The following FHL2 variants were observed in gnomAD, a reference collection of about 807,000 sequenced individuals.
FHL2 encodes the protein four and a half LIM domains 2.
In FHL2, 20 loss-of-function variants were observed where a neutral mutation model predicts 32.7. The observed-to-expected ratio is 0.61, with a 90% CI of 0.43 to 0.89. The LOEUF is 0.89. FHL2 is among the 40% of genes least tolerant of loss of function. The probability of loss-of-function intolerance (pLI) is 0.00; values close to 1 mark genes in which losing one functional copy is unlikely to be tolerated. For synonymous variants in FHL2, 123 were observed against 128.1 expected (o/e 0.96, Z 0.27); for missense variants, 311 against 358.6 (o/e 0.87, Z 1.07).
intron 1 of FHL2, among the ~76,000 whole-genome samples, chr2:105,410,681 G>A (rs1198636724): frequency 1.3e-5 from 2 of 152,188 alleles, no homozygotes; most frequent in African/African-American, 4.8e-5. Context: ...TCTTGGCACA[G>A]GCAAGCAGAG....
chr2:105,393,362 G>A (rs1197875283), intron 2 of FHL2, among the ~76,000 whole-genome samples: 1 of 152,102 alleles, frequency 6.6e-6, no homozygotes, highest in Non-Finnish European at 1.5e-5. Flanking sequence ...AAGCAGCTTC[G>A]GTAAGTCAGT....
chr2:105,366,355 C>T (rs2104500828), intron 5 of FHL2, among the ~76,000 whole-genome samples: 1 of 152,322 alleles, frequency 6.6e-6, no homozygotes, highest in East Asian at 1.9e-4. Context: ...GATGTTTCTC[C>T]ATGGCCCAGA....
intron 5 of FHL2, among the ~76,000 whole-genome samples, chr2:105,365,449 A>G (rs1325053658): frequency 6.6e-6 from 1 of 152,232 alleles, no homozygotes; most frequent in Non-Finnish European, 1.5e-5. Context: ...CATTTCTGCA[A>G]ATGAATAAAG....
Position 105,398,871 on chromosome 2 carries a change from T to A in FHL2, c.-105A>T, listed in dbSNP as rs1683331688. Reference sequence around the variant, plus strand: ...CTCCCCAACTCCGGCTCTGCTCCCCTCTCCTTGGGTCTCGCACCGGATTCG... The same window carrying A: ...CTCCCCAACTCCGGCTCTGCTCCCCACTCCTTGGGTCTCGCACCGGATTCG... On this transcript the variant is annotated 5_prime_UTR_variant, in exon 1 of 7. Coordinates refer to ENST00000530340, the MANE Select transcript of FHL2 (RefSeq NM_001318895.3). The A allele has an allele frequency of 2.0e-6, 3 of 1,489,866 alleles. No individual in the cohort carries two copies. The highest frequency in any genetic ancestry group is 2.7e-6 in the Non-Finnish European group (3 of 1,124,072). The allele number at this position is 1,489,866 out of a possible 1,614,324, so 92.3% of individuals were successfully genotyped here.
intron 5 of FHL2, among the ~76,000 whole-genome samples, chr2:105,365,633 G>A (rs1239831071): frequency 6.6e-6 from 1 of 150,778 alleles, no homozygotes; most frequent in African/African-American, 2.4e-5. Context: ...ACAGGAGTTT[G>A]TGACCAGTCT....
intron 4 of FHL2, among the ~76,000 whole-genome samples, chr2:105,372,511 C>T (rs554081981): frequency 6.6e-6 from 1 of 152,256 alleles, no homozygotes; most frequent in East Asian, 1.9e-4. Flanking sequence ...AGGGGTGAGC[C>T]ACCACACCTG....
chr2:105,437,758 A>G (rs1435196106), intron 1 of FHL2, among the ~76,000 whole-genome samples: 1 of 152,230 alleles, frequency 6.6e-6, no homozygotes, highest in Non-Finnish European at 1.5e-5. Flanking sequence ...TGGCCAGGGC[A>G]TTACTCAGGA....
chr2:105,364,952 C>A (rs1323521499), intron 5 of FHL2, among the ~76,000 whole-genome samples: 5 of 152,172 alleles, frequency 3.3e-5, no homozygotes, highest in Non-Finnish European at 5.9e-5. Flanking sequence ...ATAACCCACC[C>A]CACTGCACAA....
In FHL2 at chr2:105,434,237, G is replaced by A. The variant is rs551690749; in HGVS notation, c.-25+4162C>T. 2.9e-4 allele frequency among the ~76,000 whole-genome samples: 44 copies of A among 152,334 alleles called. 1 individual carries two copies. The South Asian group carries it at 8.9e-3, about 31-fold the overall frequency. On this transcript the variant is annotated intron_variant, in intron 1 of 5. Transcript: ENST00000393352. ...CATATGGCAACAGGGTTGCTCTTTT[G>A]CAATTGAAGTCTAATGCCAACTGGA...
chr2:105,417,379 T>A (rs1468000330), intron 1 of FHL2, among the ~76,000 whole-genome samples: 3 of 138,110 alleles, frequency 2.2e-5, no homozygotes, highest in Non-Finnish European at 4.6e-5. Context: ...AGACTCCATC[T>A]CAAAAAAGAA....
At chr2:105,367,506 C>T (rs1680716751) in intron 5 of FHL2, 64 bp downstream of exon 5, 1 of 1,495,688 alleles carries the variant, frequency 6.7e-7, no homozygotes, top group Non-Finnish European at 9.0e-7. Flanking sequence ...AGAGAACTGA[C>T]AGACATGGAC....
At chr2:105,369,568 C>A (rs1003444906) in intron 4 of FHL2, among the ~76,000 whole-genome samples, 7 of 152,146 alleles carry the variant, frequency 4.6e-5, no homozygotes, top group Admixed American at 1.3e-4. Flanking sequence ...CAAAACTAAG[C>A]TGTACAATCT....
intron 3 of FHL2, among the ~76,000 whole-genome samples, chr2:105,385,460 G>A (rs984708598): frequency 1.3e-5 from 2 of 152,210 alleles, no homozygotes; most frequent in Admixed American, 6.5e-5. Context: ...TCCCTACAGA[G>A]CACAAAGCAA....
chr2:105,399,110 G>C (rs1262905187), upstream of FHL2: 2 of 1,437,344 alleles, frequency 1.4e-6, no homozygotes, highest in Non-Finnish European at 1.8e-6. Context: ...ACCATATAAG[G>C]AGATGCACGC....
intron 1 of FHL2, among the ~76,000 whole-genome samples, chr2:105,428,958 A>G (rs1377840633): frequency 1.3e-5 from 2 of 152,218 alleles, no homozygotes; most frequent in African/African-American, 2.4e-5. Flanking sequence ...AGTCAATAAT[A>G]TATTTGGAGA....
intron 1 of FHL2, among the ~76,000 whole-genome samples, chr2:105,405,547 G>A (rs979796210): frequency 1.3e-5 from 2 of 152,180 alleles, no homozygotes; most frequent in Non-Finnish European, 2.9e-5. Flanking sequence ...AAAGTGCTAG[G>A]ATTACAGGCG....
chr2:105,366,610 C>T lies in FHL2; in HGVS notation c.501+960G>A, dbSNP rs137888592. On this transcript the variant is annotated intron_variant, in intron 5 of 6. Coordinates refer to ENST00000530340, the MANE Select transcript of FHL2 (RefSeq NM_001318895.3). ...GAGGGCACAGCAGAAAACTAAGCTA[C>T]ACCCTGAAGGGTGCAGGTCGGGGGG... Among the ~76,000 whole-genome samples, 228 of 152,336 alleles carry T rather than the reference C, an allele frequency of 1.5e-3. 3 individuals carry two copies. Among genetic ancestry groups the T allele is most frequent in the African/African-American group, 5.2e-3 (216 of 41,574 alleles).
intron 4 of FHL2, among the ~76,000 whole-genome samples, chr2:105,370,629 C>T (rs1224329478): frequency 6.6e-6 from 1 of 152,122 alleles, no homozygotes; most frequent in Non-Finnish European, 1.5e-5. Flanking sequence ...AATGTAAATT[C>T]ACCGCAAAAG....
chr2:105,402,697 T>C (rs1362556641), upstream of FHL2, among the ~76,000 whole-genome samples: 1 of 152,182 alleles, frequency 6.6e-6, no homozygotes, highest in Non-Finnish European at 1.5e-5. Flanking sequence ...GACATATGCT[T>C]TCATGAGCAA....
Sources: gnomAD v4.1 joint callset for allele counts (sites outside exome capture counted in the v4.1 genomes callset) on GRCh38, gnomAD v4.1.1 for gene constraint, MANE v1.5 for transcripts, NCBI Gene and HGNC (gene_info 2026-07-23, HGNC 2026-07-21) for gene names.